Variants in CPLANE1 observed in about 807,000 individuals in gnomAD.
CPLANE1 encodes the protein ciliogenesis and planar polarity effector complex subunit 1, also known as ciliogenesis and planar polarity effector 1.
CPLANE1 carries 263 observed loss-of-function variants against 362.5 expected under a neutral mutation model. The ratio of observed to expected loss-of-function variants is 0.73; its 90% CI spans 0.66 to 0.80. The LOEUF is 0.80. CPLANE1 is among the 30% of genes least tolerant of loss of function. The probability of loss-of-function intolerance (pLI) is 0.00; values close to 1 mark genes in which losing one functional copy is unlikely to be tolerated. For synonymous variants in CPLANE1, 1,212 were observed against 1,302.6 expected, an observed-to-expected ratio of 0.93 and a Z score of 1.50; for missense variants, 3,461 against 3,793.4, an observed-to-expected ratio of 0.91 and a Z score of 2.30.
intron 47 of CPLANE1, among the ~76,000 whole-genome samples, chr5:37,124,259 A>T (rs538435362): frequency 5.3e-5 from 8 of 152,300 alleles, no homozygotes; most frequent in Non-Finnish European, 1.0e-4. Context: ...ATTACAAAGT[A>T]AAAGATAAAC....
intron 39 of CPLANE1, 90 bp from the exon 40 acceptor site, chr5:37,157,958 A>AAAG: frequency 1.3e-6 from 1 of 762,522 alleles, no homozygotes; most frequent in Non-Finnish European, 1.9e-6. Flanking sequence ...AAAAAAAAAA[A>AAAG]GGCTTAATTC....
At chr5:37,162,607 T>G in intron 37 of CPLANE1, 41 bp from the exon 38 acceptor site, 1 of 1,409,500 alleles carries the variant, frequency 7.1e-7, no homozygotes. Context: ...ATTGAGAAGC[T>G]AACAGATTAC....
At chr5:37,134,027 CTGT>C (rs1766778064) in intron 46 of CPLANE1, among the ~76,000 whole-genome samples, 1 of 152,100 alleles carries the variant, frequency 6.6e-6, no homozygotes, top group East Asian at 1.9e-4. Context: ...ATTTGATGTG[CTGT>C]TTTCGGTTTG....
intron 38 of CPLANE1, among the ~76,000 whole-genome samples, chr5:37,159,763 G>C (rs976404298): frequency 2.0e-5 from 3 of 152,110 alleles, no homozygotes; most frequent in South Asian, 4.1e-4. Context: ...TCTCTTAATT[G>C]ATTGGTTTAA....
At chr5:37,224,460 AATTAGAAAT>A (rs1796017722) in intron 13 of CPLANE1, 63 bp downstream of exon 13, 1 of 1,318,512 alleles carries the variant, frequency 7.6e-7, no homozygotes, top group Non-Finnish European at 1.1e-6. Flanking sequence ...CATTACAACC[AATTAGAAAT>A]TCAAAGTCTG....
At chr5:37,195,799 A>T in intron 21 of CPLANE1, 59 bp downstream of exon 21, 1 of 1,541,960 alleles carries the variant, frequency 6.5e-7, no homozygotes, top group Non-Finnish European at 8.7e-7. Context: ...ACTTTCCCAA[A>T]TCAAATGAAA....
intron 51 of CPLANE1, among the ~76,000 whole-genome samples, chr5:37,108,888 C>A (rs1235655765): frequency 6.6e-6 from 1 of 152,176 alleles, no homozygotes; most frequent in Non-Finnish European, 1.5e-5. Context: ...TTACAATCTG[C>A]CTTTAGGCAA....
Position 37,169,136 on chromosome 5 carries a change from T to C in CPLANE1, c.6888A>G (p.Lys2296=), listed in dbSNP as rs1779074288. Residue 2296 remains lysine (K), a synonymous_variant, in exon 34 of 53, where the codon AAA becomes AAG. Transcript: ENST00000651892. ...CTGCCCACGTCTTCTGCTCAACTTC[T>C]TTTTTTCTGGCTTCAGTGTTATACT... ...VSQYNTEARK[K]EVEQKTWAET... The C allele has an allele frequency of 5.0e-6, 8 of 1,614,112 alleles. No homozygotes were observed. The highest frequency in any genetic ancestry group is 6.8e-6 in the Non-Finnish European group (8 of 1,179,976).
the CPLANE1 span, among the ~76,000 whole-genome samples, chr5:37,098,923 C>CAAAAA: frequency 2.5e-4 from 13 of 52,032 alleles, no homozygotes; most frequent in African/African-American, 3.6e-4. Context: ...ATGCCTACAT[C>CAAAAA]AAAAAAAAAA....
intron 42 of CPLANE1, 33 bp downstream of exon 42, chr5:37,153,707 G>A (rs1371750849): frequency 6.3e-7 from 1 of 1,576,608 alleles, no homozygotes; most frequent in Admixed American, 1.8e-5. Flanking sequence ...TAATTCAGTA[G>A]CAAACAAAAA....
At chr5:37,122,783 C>T (rs147078005) in intron 47 of CPLANE1, among the ~76,000 whole-genome samples, 1 of 152,162 alleles carries the variant, frequency 6.6e-6, no homozygotes, top group Non-Finnish European at 1.5e-5. Context: ...GCATGTGGCA[C>T]ACACCTGTAA....
intron 36 of CPLANE1, 38 bp from the exon 37 acceptor site, chr5:37,164,365 C>G: frequency 1.3e-6 from 2 of 1,500,636 alleles, no homozygotes; most frequent in Non-Finnish European, 1.8e-6. Flanking sequence ...ATGATTAACT[C>G]AAAGATGTGT....
chr5:37,147,901 C>T (rs918875333), intron 43 of CPLANE1, among the ~76,000 whole-genome samples: 4 of 137,522 alleles, frequency 2.9e-5, no homozygotes, highest in African/African-American at 1.1e-4. Flanking sequence ...GCTTGGAATC[C>T]ACAAAAACTG....
chr5:37,182,159 TAAAAC>T (rs1782821920), intron 26 of CPLANE1, among the ~76,000 whole-genome samples: 1 of 151,322 alleles, frequency 6.6e-6, no homozygotes, highest in Non-Finnish European at 1.5e-5. Flanking sequence ...AAGTAAAAAA[TAAAAC>T]AAATTCACAT....
Position 37,209,621 on chromosome 5 carries a change from C to T in CPLANE1, c.2921-3196G>A. 2 of 1,436,162 alleles carry T rather than the reference C, an allele frequency of 1.4e-6. No homozygotes were observed. Among genetic ancestry groups the T allele is most frequent in the East Asian group, 4.6e-5 (2 of 43,862 alleles). 89.0% of individuals were successfully genotyped at this position (1,436,162 alleles called of 1,614,324 possible). On this transcript the variant is annotated intron_variant, in intron 16 of 52. Transcript: ENST00000651892. This position sits in a 1 kb window ranked among gnomAD's most constrained non-coding sequence, Gnocchi z 4.6. ...TGGCAGATCACTTACAAAGATGTGG[C>T]TGTGAATATTCACTTTCTGTTTTCT...
chr5:37,191,191 A>T (rs898412477), intron 21 of CPLANE1, among the ~76,000 whole-genome samples: 44 of 148,890 alleles, frequency 3.0e-4, no homozygotes, highest in Non-Finnish European at 5.2e-4. Context: ...AGTTTAAATT[A>T]AAAAAAAAAG....
chr5:37,125,460 GATAA>G lies in CPLANE1; in HGVS notation c.8793-55_8793-52del, dbSNP rs1340404178. ...CATTTGCTTTTAAATTTGTTAAGCA[GATAA>G]GATATATCATGACTAAACACTATTT... On this transcript the variant is annotated intron_variant, in intron 46 of 52. Transcript: ENST00000651892. 1.3e-5 allele frequency: 12 copies of G among 929,260 alleles called. No homozygotes were observed. The African/African-American group carries it at 1.8e-4, about 14-fold the overall frequency. The allele number at this position is 929,260 out of a possible 1,614,324, so 57.6% of individuals were successfully genotyped here.
rs193280325 is a variant in CPLANE1 at position 37,140,673 on chromosome 5, T to C, written c.8633-1303A>G. On this transcript the variant is annotated intron_variant, in intron 44 of 52. Coordinates refer to ENST00000651892, the MANE Select transcript of CPLANE1 (RefSeq NM_001384732.1). Reference sequence around the variant, plus strand: ...AACGACTGGGCTGCATATGGGGAAGTAGGTGAGATTAGCGAAGATGGTGAC... The same window carrying C: ...AACGACTGGGCTGCATATGGGGAAGCAGGTGAGATTAGCGAAGATGGTGAC... The C allele has an allele frequency of 1.5e-5, 15 of 985,334 alleles. No individual in the cohort carries two copies. In the Admixed American group the frequency reaches 8.6e-4, roughly 57 times the overall value. The allele number at this position is 985,334 out of a possible 1,614,324, so 61.0% of individuals were successfully genotyped here. A position where few individuals can be genotyped will look rare whatever the true frequency, so the allele number is the denominator to read the frequency against.
At chr5:37,216,401 T>C (rs1016271330) in intron 15 of CPLANE1, among the ~76,000 whole-genome samples, 2 of 152,020 alleles carry the variant, frequency 1.3e-5, no homozygotes, top group African/African-American at 4.8e-5. Flanking sequence ...ATACAAAAAT[T>C]AGCCAGGTGT....
Sources: gnomAD v4.1 joint callset for allele counts (sites outside exome capture counted in the v4.1 genomes callset) on GRCh38, gnomAD v4.1.1 for gene constraint, Gnocchi (gnomAD v3.1) non-coding constraint, MANE v1.5 for transcripts, NCBI Gene and HGNC (gene_info 2026-07-23, HGNC 2026-07-21) for gene names.